Variants in SNRPB2 observed in about 807,000 individuals in gnomAD.
SNRPB2 encodes U2 small nuclear ribonucleoprotein B''.
In SNRPB2, 16 loss-of-function variants were observed where a neutral mutation model predicts 26.3. The observed-to-expected ratio is 0.61, with a 90% confidence interval of 0.41 to 0.92. The LOEUF (loss-of-function observed/expected upper bound fraction) is 0.92. Among genes scored for constraint, SNRPB2 ranks in the 40% least tolerant of loss-of-function variants. The probability of loss-of-function intolerance (pLI) is 0.00; values close to 1 mark genes in which losing one functional copy is unlikely to be tolerated. For synonymous variants in SNRPB2, 75 were observed against 89.0 expected (o/e 0.84, Z 0.88); for missense variants, 179 against 268.1 (o/e 0.67, Z 2.32).
At chr20:16,739,652 T>A (rs2072450528) in intron 5 of SNRPB2, among the ~76,000 whole-genome samples, 1 of 152,160 alleles carries the variant, frequency 6.6e-6, no homozygotes, top group South Asian at 2.1e-4. Context: ...CACTAATTAT[T>A]TTTTATACTT....
At position 16,741,370 on chromosome 20, in the gene SNRPB2, A is replaced by C. The variant is rs934336811; in HGVS notation, c.*365A>C. The C allele has an allele frequency of 6.4e-6, 1 of 156,634 alleles. No homozygotes were observed. Among genetic ancestry groups the C allele is most frequent in the African/African-American group, 2.4e-5 (1 of 41,660 alleles). The allele number at this position is 156,634 out of a possible 1,614,324, so 9.7% of individuals were successfully genotyped here. A position where few individuals can be genotyped will look rare whatever the true frequency, so the allele number is the denominator to read the frequency against. ...TACAACATCATTGAACCATTCAATA[A>C]AAGTTAAGTAAAATTAGATCACAGA... On this transcript the variant is annotated 3_prime_UTR_variant, in exon 7 of 7. Transcript: ENST00000246071.
At chr20:16,731,963 T>C (rs989334625) in intron 2 of SNRPB2, among the ~76,000 whole-genome samples, 197 bp downstream of exon 2, 2 of 152,236 alleles carry the variant, frequency 1.3e-5, no homozygotes, top group Non-Finnish European at 2.9e-5. Context: ...AGTCTGTTTC[T>C]ACTCATAGAT....
intron 1 of SNRPB2, 53 bp from the exon 2 acceptor site, chr20:16,731,615 T>C: frequency 6.6e-7 from 1 of 1,524,504 alleles, no homozygotes; most frequent in Non-Finnish European, 8.9e-7. Flanking sequence ...AATTCTTGTG[T>C]TGTGTCCTTA....
At chr20:16,733,175 G>A (rs2072404112) in intron 3 of SNRPB2, among the ~76,000 whole-genome samples, 1 of 152,162 alleles carries the variant, frequency 6.6e-6, no homozygotes, top group Non-Finnish European at 1.5e-5. Context: ...CTGTGCCCGT[G>A]GTTAGTTTTA....
In SNRPB2 at chr20:16,741,283, T is replaced by G. The variant is rs559370466; in HGVS notation, c.*278T>G. The G allele has an allele frequency of 4.3e-6, 1 of 231,444 alleles. No homozygotes were observed. The highest frequency in any genetic ancestry group is 5.4e-5 in the Admixed American group (1 of 18,642). The allele number at this position is 231,444 out of a possible 1,614,324, so 14.3% of individuals were successfully genotyped here. A position where few individuals can be genotyped will look rare whatever the true frequency, so the allele number is the denominator to read the frequency against. On this transcript the variant is annotated 3_prime_UTR_variant, in exon 7 of 7. Transcript: ENST00000246071. ...AAATGACTTCTAGTCTAGAACACAC[T>G]TAAGGTTTATAAACTTGTGTAATAG... is the stretch of plus-strand genomic sequence containing the variant.
chr20:16,735,209 A>C (rs1447821611), intron 3 of SNRPB2, among the ~76,000 whole-genome samples: 7 of 151,382 alleles, frequency 4.6e-5, no homozygotes, highest in Non-Finnish European at 8.8e-5. Flanking sequence ...TGTAATCCAC[A>C]CTACTTTAAA....
Position 16,740,431 on chromosome 20 carries a change from T to C in SNRPB2, c.518+18T>C, listed in dbSNP as rs370597701. ...TTTAATCAGTAAGTTTTTTCATAAA[T>C]AAGTCTGTTTCTGAGAGCTTCCTCA... On this transcript the variant is annotated intron_variant, in intron 6 of 6. Coordinates refer to ENST00000246071, the MANE Select transcript of SNRPB2 (RefSeq NM_003092.5). 6.2e-6 allele frequency: 10 copies of C among 1,609,238 alleles called. No individual in the cohort carries two copies. In the African/African-American group the frequency reaches 8.0e-5, roughly 13 times the overall value.
At chr20:16,739,349 CAAAT>C (rs1292363498) in intron 5 of SNRPB2, among the ~76,000 whole-genome samples, 1 of 151,930 alleles carries the variant, frequency 6.6e-6, no homozygotes, top group Non-Finnish European at 1.5e-5. Flanking sequence ...TTCCTGAACA[CAAAT>C]AAATTCCAGC....
intron 3 of SNRPB2, 192 bp downstream of exon 3, chr20:16,732,528 A>G: frequency 2.4e-6 from 1 of 417,150 alleles, no homozygotes; most frequent in Non-Finnish European, 4.2e-6. Flanking sequence ...GCAAAAACAA[A>G]ATACATTGAG....
Position 16,740,306 on chromosome 20 carries a change from C to T in SNRPB2, c.430-19C>T, listed in dbSNP as rs1436039140. On this transcript the variant is annotated intron_variant, in intron 5 of 6. Transcript: ENST00000246071. ...TGTTTAAACTTACAAGCTAACTTTG[C>T]CTTTTTACTTTTTAATAGGTCCCTG... 8 of 1,607,776 alleles carry T rather than the reference C, an allele frequency of 5.0e-6. No individual in the cohort carries two copies. The highest frequency in any genetic ancestry group is 4.5e-5 in the East Asian group (2 of 44,714).
At chr20:16,737,898 G>A (rs2072437745) in intron 4 of SNRPB2, among the ~76,000 whole-genome samples, 1 of 151,636 alleles carries the variant, frequency 6.6e-6, no homozygotes, top group African/African-American at 2.4e-5. Flanking sequence ...ATTTAGCTGG[G>A]CTTGGTGGTG....
rs1266968409 is a variant in SNRPB2 at position 16,731,038 on chromosome 20, GT to G, written c.-35-628del. 10 of 152,474 alleles carry G rather than the reference GT, an allele frequency of 6.6e-5. No individual in the cohort carries two copies. The East Asian group carries it at 1.3e-3, about 20-fold the overall frequency. 9.4% of individuals were successfully genotyped at this position (152,474 alleles called of 1,614,324 possible). Reference sequence around the variant, plus strand: ...TATTTTACTGATGAGGACCTGAGAGGTTAAGGAACTTCCCTCAGGCAAACAG... The same window carrying G: ...TATTTTACTGATGAGGACCTGAGAGGTAAGGAACTTCCCTCAGGCAAACAG... On this transcript the variant is annotated intron_variant, in intron 1 of 6. Coordinates refer to ENST00000246071, the MANE Select transcript of SNRPB2 (RefSeq NM_003092.5).
intron 1 of SNRPB2, among the ~76,000 whole-genome samples, chr20:16,731,267 G>C (rs921179883): frequency 2.1e-4 from 32 of 152,152 alleles, no homozygotes; most frequent in African/African-American, 7.7e-4. Flanking sequence ...TAAGTAGTTG[G>C]CAAACTTCAT....
intron 2 of SNRPB2, 62 bp downstream of exon 2, chr20:16,731,828 A>T (rs2072393736): frequency 1.2e-6 from 2 of 1,602,158 alleles, no homozygotes; most frequent in East Asian, 4.5e-5. Context: ...CTGTCTTAAA[A>T]ATTGTACTGC....
In SNRPB2 at chr20:16,741,036, G is replaced by GTATTT. The variant is rs2072459621; in HGVS notation, c.*32_*33insATTTT. The GTATTT allele has an allele frequency of 6.5e-7, 1 of 1,527,748 alleles. No individual in the cohort carries two copies. The highest frequency in any genetic ancestry group is 9.0e-7 in the Non-Finnish European group (1 of 1,112,894). 94.6% of individuals were successfully genotyped at this position (1,527,748 alleles called of 1,614,324 possible). On this transcript the variant is annotated 3_prime_UTR_variant, in exon 7 of 7. Transcript: ENST00000246071. ...GGGATAGTCGTCTTTAAAAGACTTG[G>GTATTT]TGTTATTTACAGTGTTTGTTTTGAT...
At chr20:16,731,799 A>G (rs2072393403) in intron 2 of SNRPB2, 33 bp downstream of exon 2, 1 of 1,610,056 alleles carries the variant, frequency 6.2e-7, no homozygotes. Flanking sequence ...GTTCACTACT[A>G]AAATGTGTTT....
In SNRPB2 at chr20:16,732,262, A is replaced by G; in HGVS notation, c.163A>G (p.Ile55Val). Residue 55 changes from isoleucine to valine, a missense_variant, in exon 3 of 7, where the codon ATA (isoleucine) becomes GTA (valine). Ile to Val is a conservative substitution (Grantham distance 29, BLOSUM62 3). Transcript: ENST00000246071. The part of the protein sequence containing the change: ...TMKMRGQAFV[I>V]FKELGSSTNA... Reference sequence around the variant, plus strand: ...GAAGATGAGGGGGCAGGCCTTTGTCATATTTAAGGAACTGGGCTCATCCAC... The same window carrying G: ...GAAGATGAGGGGGCAGGCCTTTGTCGTATTTAAGGAACTGGGCTCATCCAC... 1.9e-6 allele frequency: 3 copies of G among 1,605,374 alleles called. No homozygotes were observed. The highest frequency in any genetic ancestry group is 2.6e-6 in the Non-Finnish European group (3 of 1,174,074).
rs1170924591 is a variant in SNRPB2, at chr20:16,740,961, A to G, written c.634A>G (p.Ile212Val). 2.5e-6 allele frequency: 4 copies of G among 1,613,156 alleles called. No homozygotes were observed. The Admixed American group carries it at 6.7e-5, about 27-fold the overall frequency. Reference sequence around the variant, plus strand: ...CAGGGATGCTTTACAGGGATTTAAGATCACACCGTCCCATGCTATGAAGAT... The same window carrying G: ...CAGGGATGCTTTACAGGGATTTAAGGTCACACCGTCCCATGCTATGAAGAT... ...AARDALQGFKITPSHAMKITY... is the reference protein window; with the variant it reads ...AARDALQGFKVTPSHAMKITY... Residue 212 changes from isoleucine to valine, a missense_variant, in exon 7 of 7, where the codon ATC becomes GTC. Ile to Val is a conservative substitution (Grantham distance 29). Transcript: ENST00000246071.
At chr20:16,735,915 A>G (rs1448814641) in intron 3 of SNRPB2, among the ~76,000 whole-genome samples, 1 of 152,238 alleles carries the variant, frequency 6.6e-6, no homozygotes, top group East Asian at 1.9e-4. Context: ...AACATTCCAT[A>G]TGACACATTC....
Sources: allele counts gnomAD v4.1 joint callset (sites outside exome capture counted in the v4.1 genomes callset), GRCh38; gene constraint gnomAD v4.1.1; transcripts MANE v1.5; gene names NCBI Gene and HGNC (gene_info 2026-07-23, HGNC 2026-07-21).